Variants in SKIC3 observed in about 807,000 individuals in gnomAD.
SKIC3 encodes the protein superkiller complex protein 3.
chr5:95,534,065 T>A, the SKIC3 span, among the ~76,000 whole-genome samples: 2 of 152,074 alleles, frequency 1.3e-5, no homozygotes, highest in East Asian at 3.9e-4. Context: ...AATTTTTCAA[T>A]AACAACAGTA....
the SKIC3 span, among the ~76,000 whole-genome samples, chr5:95,467,095 T>C: frequency 6.6e-6 from 1 of 152,142 alleles, no homozygotes; most frequent in African/African-American, 2.4e-5. Flanking sequence ...GTAAGGGCTT[T>C]AGATCAGCAG....
chr5:95,554,963 C>T, the SKIC3 span: 1 of 255,138 alleles, frequency 3.9e-6, no homozygotes, highest in Non-Finnish European at 7.9e-6. Flanking sequence ...CTTCTACAAA[C>T]GCCGAGGCTG....
At chr5:95,524,138 A>G in the SKIC3 span, among the ~76,000 whole-genome samples, 1 of 152,196 alleles carries the variant, frequency 6.6e-6, no homozygotes, top group South Asian at 2.1e-4. Flanking sequence ...GGACTTATAG[A>G]TGTTAAACAT....
chr5:95,516,156 A>T, the SKIC3 span, among the ~76,000 whole-genome samples: 1 of 152,184 alleles, frequency 6.6e-6, no homozygotes, highest in East Asian at 1.9e-4. Flanking sequence ...CTTGAAGGTC[A>T]TAAAAAGGAA....
the SKIC3 span, among the ~76,000 whole-genome samples, chr5:95,539,707 C>T: frequency 6.6e-6 from 1 of 151,796 alleles, no homozygotes; most frequent in South Asian, 2.1e-4. Flanking sequence ...AGCCAGGCAT[C>T]GTGGCACATG....
chr5:95,497,484 G>A, the SKIC3 span: 3 of 1,612,886 alleles, frequency 1.9e-6, no homozygotes, highest in Non-Finnish European at 2.5e-6. Context: ...GGGTCACCAG[G>A]GTTGCTAAAG....
the SKIC3 span, among the ~76,000 whole-genome samples, chr5:95,469,024 T>G: frequency 6.6e-6 from 1 of 152,320 alleles, no homozygotes; most frequent in South Asian, 2.1e-4. Context: ...CCATCCCTAT[T>G]TTGTGATGTG....
the SKIC3 span, chr5:95,513,718 C>G: frequency 1.4e-6 from 2 of 1,431,566 alleles, no homozygotes; most frequent in Non-Finnish European, 9.8e-7. Flanking sequence ...ATGAAACTGT[C>G]TAGAAGAACC....
the SKIC3 span, chr5:95,503,669 C>T: frequency 3.8e-5 from 40 of 1,041,272 alleles, no homozygotes; most frequent in Non-Finnish European, 5.6e-5. Context: ...TAAAAAAGTG[C>T]CTAGTATTGC....
chr5:95,534,043 A>G, the SKIC3 span, among the ~76,000 whole-genome samples: 1 of 152,316 alleles, frequency 6.6e-6, no homozygotes, highest in African/African-American at 2.4e-5. Flanking sequence ...AAAAGAGTGA[A>G]CACCAGCCAT....
chr5:95,516,893 T>C, the SKIC3 span: 37 of 1,564,044 alleles, frequency 2.4e-5, no homozygotes, highest in Non-Finnish European at 2.9e-5. Context: ...AAAAGGTTTA[T>C]AAAAAATTTA....
At chr5:95,548,959 A>T in the SKIC3 span, among the ~76,000 whole-genome samples, 3 of 152,052 alleles carry the variant, frequency 2.0e-5, no homozygotes, top group Non-Finnish European at 2.9e-5. Context: ...ACCACTACTA[A>T]ACTACATGCA....
At chr5:95,492,679 A>AAAAAAAAAAAAAAAAAAAAC in the SKIC3 span, among the ~76,000 whole-genome samples, 1 of 136,272 alleles carries the variant, frequency 7.3e-6, no homozygotes, top group Non-Finnish European at 1.6e-5. Flanking sequence ...AAAAAAAAAA[A>AAAAAAAAAAAAAAAAAAAAC]AAAAAAAAAA....
At chr5:95,523,463 T>C in the SKIC3 span, 1 of 1,191,614 alleles carries the variant, frequency 8.4e-7, no homozygotes, top group Non-Finnish European at 1.2e-6. Flanking sequence ...CAAATTACAG[T>C]TTCAACAATA....
the SKIC3 span, among the ~76,000 whole-genome samples, chr5:95,504,712 G>A: frequency 6.6e-6 from 1 of 151,702 alleles, no homozygotes; most frequent in African/African-American, 2.4e-5. Flanking sequence ...GTGTTTAAGG[G>A]AGAGGAAGCC....
At chr5:95,472,190 C>G in the SKIC3 span, among the ~76,000 whole-genome samples, 1 of 152,246 alleles carries the variant, frequency 6.6e-6, no homozygotes, top group Admixed American at 6.5e-5. Flanking sequence ...ACTCTCACCA[C>G]TGGCATTGCT....
the SKIC3 span, among the ~76,000 whole-genome samples, chr5:95,473,129 T>C: frequency 2.6e-5 from 4 of 152,196 alleles, no homozygotes; most frequent in African/African-American, 2.4e-5. Context: ...TACTCAGTAA[T>C]AGGATTGCTG....
At chr5:95,524,315 C>T in the SKIC3 span, 4 of 1,140,698 alleles carry the variant, frequency 3.5e-6, no homozygotes, top group South Asian at 3.1e-5. Context: ...CCTTGAAAAC[C>T]CATATAACAC....
chr5:95,489,801 GTTCT>G, the SKIC3 span, among the ~76,000 whole-genome samples: 1 of 152,000 alleles, frequency 6.6e-6, no homozygotes, highest in Admixed American at 6.6e-5. Flanking sequence ...TAGGTAGATT[GTTCT>G]TTCTTTTAAT....
Sources: gnomAD v4.1 joint callset for allele counts (sites outside exome capture counted in the v4.1 genomes callset) on GRCh38, gnomAD v4.1.1 for gene constraint, MANE v1.5 for transcripts, NCBI Gene and HGNC (gene_info 2026-07-23, HGNC 2026-07-21) for gene names.